ADK: variants seen among roughly 807,000 people sequenced by gnomAD.
ADK encodes the protein N6,N6-dimethyladenosine kinase.
In ADK, 24 loss-of-function variants were observed where a neutral mutation model predicts 44.7. That is an observed-to-expected ratio of 0.54 (90% CI 0.39 to 0.76). The LOEUF is 0.76. Among genes scored for constraint, ADK ranks in the 30% least tolerant of loss-of-function variants. The pLI is 0.00. For missense variants in ADK, 321 were observed against 425.1 expected (o/e 0.76, Z 2.15); for synonymous variants, 128 against 142.6 (o/e 0.90, Z 0.73).
At chr10:74,422,575 T>C (rs1335197121) in intron 6 of ADK, among the ~76,000 whole-genome samples, 1 of 152,162 alleles carries the variant, frequency 6.6e-6, no homozygotes, top group East Asian at 1.9e-4. Flanking sequence ...GAGGGGTACA[T>C]AGGAAGTCTG....
chr10:74,483,482 C>A (rs1847148552), intron 6 of ADK, among the ~76,000 whole-genome samples: 1 of 152,202 alleles, frequency 6.6e-6, no homozygotes, highest in African/African-American at 2.4e-5. Flanking sequence ...ACATTTGGCT[C>A]ATTTTTACTT....
intron 9 of ADK, among the ~76,000 whole-genome samples, chr10:74,635,320 A>G (rs1459847303): frequency 1.3e-5 from 2 of 152,246 alleles, no homozygotes; most frequent in East Asian, 1.9e-4. Flanking sequence ...AAAGTGGAAC[A>G]TCTTTGAAGT....
chr10:74,433,143 A>C (rs1383638265), intron 6 of ADK, among the ~76,000 whole-genome samples: 1 of 152,182 alleles, frequency 6.6e-6, no homozygotes, highest in Non-Finnish European at 1.5e-5. Context: ...GATCATCCAT[A>C]AGTGTTTATA....
intron 7 of ADK, among the ~76,000 whole-genome samples, chr10:74,556,993 A>G (rs975235310): frequency 2.0e-5 from 3 of 152,216 alleles, no homozygotes; most frequent in Admixed American, 2.0e-4. Flanking sequence ...GCACTGGCAT[A>G]TTAGGGAATG....
intron 1 of ADK, among the ~76,000 whole-genome samples, chr10:74,168,123 C>A (rs564089040): frequency 4.0e-4 from 61 of 152,314 alleles, no homozygotes; most frequent in African/African-American, 1.4e-3. Flanking sequence ...ATTCATCTTT[C>A]TCTCCTTAGA....
intron 8 of ADK, among the ~76,000 whole-genome samples, chr10:74,597,628 A>G (rs1851967837): frequency 6.6e-6 from 1 of 152,262 alleles, no homozygotes; most frequent in East Asian, 1.9e-4. Context: ...TCTCATGTAC[A>G]TTGAGATTAG....
At chr10:74,623,738 C>T (rs945878048) in intron 9 of ADK, among the ~76,000 whole-genome samples, 1 of 151,214 alleles carries the variant, frequency 6.6e-6, no homozygotes, top group African/African-American at 2.4e-5. Context: ...TATATATACA[C>T]ACACATTAGT....
intron 4 of ADK, among the ~76,000 whole-genome samples, chr10:74,375,000 A>G (rs188627086): frequency 1.3e-5 from 2 of 152,178 alleles, no homozygotes; most frequent in East Asian, 1.9e-4. Context: ...TTGTGCTTCT[A>G]TTCCCTCACA....
At chr10:74,475,734 G>A (rs1004289235) in intron 6 of ADK, among the ~76,000 whole-genome samples, 2 of 150,728 alleles carry the variant, frequency 1.3e-5, no homozygotes, top group African/African-American at 2.4e-5. Flanking sequence ...GAAAGAGAGA[G>A]CGAAGAGAGA....
intron 5 of ADK, among the ~76,000 whole-genome samples, chr10:74,396,549 A>C (rs1435118754): frequency 6.6e-6 from 1 of 152,094 alleles, no homozygotes. Context: ...AAAACAAAAA[A>C]CAAAACAAAA....
intron 1 of ADK, among the ~76,000 whole-genome samples, chr10:74,163,238 T>C (rs1445713326): frequency 6.6e-6 from 1 of 152,244 alleles, no homozygotes; most frequent in Non-Finnish European, 1.5e-5. Flanking sequence ...AGTGTTGGGA[T>C]TACAGGCGCG....
At chr10:74,665,238 T>C (rs957937571) in intron 9 of ADK, among the ~76,000 whole-genome samples, 1 of 152,224 alleles carries the variant, frequency 6.6e-6, no homozygotes, top group Non-Finnish European at 1.5e-5. Flanking sequence ...TAAATAGTTT[T>C]TTAAAAGAAA....
rs71475280 is a variant in ADK at position 74,391,652 on chromosome 10, T to TACACACACACACACAC, written c.274-2459_274-2444dup. Among the ~76,000 whole-genome samples, 212 of 74,280 alleles carry TACACACACACACACAC rather than the reference T, an allele frequency of 2.9e-3. 1 individual carries two copies. Among genetic ancestry groups the TACACACACACACACAC allele is most frequent in the African/African-American group, 6.8e-3 (198 of 29,058 alleles). The allele number at this position is 74,280 out of a possible 152,430, so 48.7% of individuals were successfully genotyped here. ...AATTCAGGAGTTCGAGGCAAGAATA[T>TACACACACACACACAC]ACACACACACACACACACACACACA... is the stretch of plus-strand genomic sequence containing the variant. On this transcript the variant is annotated intron_variant, in intron 4 of 10. Transcript: ENST00000539909.
chr10:74,577,108 CTCTG>C (rs1257958082), intron 7 of ADK, among the ~76,000 whole-genome samples: 30 of 93,166 alleles, frequency 3.2e-4, no homozygotes, highest in African/African-American at 8.9e-4. Flanking sequence ...TGTATTATTT[CTCTG>C]TGTGTGTGTG....
chr10:74,554,814 C>G (rs1335862430), intron 7 of ADK, among the ~76,000 whole-genome samples: 3 of 150,764 alleles, frequency 2.0e-5, no homozygotes, highest in African/African-American at 7.3e-5. Flanking sequence ...TGTAGTGAAG[C>G]AGTGTTTTCT....
chr10:74,473,282 A>G (rs913518980), intron 6 of ADK, among the ~76,000 whole-genome samples: 2 of 152,196 alleles, frequency 1.3e-5, no homozygotes, highest in African/African-American at 2.4e-5. Flanking sequence ...TTAGATTTAT[A>G]GAAATGTTCT....
chr10:74,245,995 TC>T (rs1162759994), intron 3 of ADK, among the ~76,000 whole-genome samples: 1 of 152,104 alleles, frequency 6.6e-6, no homozygotes, highest in East Asian at 1.9e-4. Context: ...ATGCATTCTG[TC>T]ATGATGAGGA....
intron 3 of ADK, among the ~76,000 whole-genome samples, chr10:74,311,104 G>A (rs1040086781): frequency 6.6e-6 from 1 of 152,078 alleles, no homozygotes; most frequent in African/African-American, 2.4e-5. Flanking sequence ...CTAATTTGGC[G>A]ATAACTACTG....
chr10:74,671,508 C>T (rs2134201007), intron 10 of ADK, among the ~76,000 whole-genome samples: 1 of 152,304 alleles, frequency 6.6e-6, no homozygotes, highest in Middle Eastern at 3.4e-3. Flanking sequence ...TTCTACTTCA[C>T]TGTTATGATT....
Sources: allele counts gnomAD v4.1 joint callset (sites outside exome capture counted in the v4.1 genomes callset), GRCh38; gene constraint gnomAD v4.1.1; transcripts MANE v1.5; gene names NCBI Gene and HGNC (gene_info 2026-07-23, HGNC 2026-07-21).